ALPK1: variants seen among roughly 807,000 people sequenced by gnomAD.
The protein encoded by ALPK1 is alpha kinase 1, also known as alpha-protein kinase 1.
Under a neutral mutation model 120.6 loss-of-function variants are expected in ALPK1, and 110 were observed. That is an observed-to-expected ratio of 0.91 (90% confidence interval 0.78 to 1.07). The LOEUF is 1.07. ALPK1 is among the 50% of genes least tolerant of loss of function. ALPK1 has a pLI of 0.00. For missense variants in ALPK1, 1,498 were observed against 1,483.9 expected (o/e 1.01, Z -0.16); for synonymous variants, 582 against 560.3 (o/e 1.04, Z -0.55).
At chr4:112,412,071 GGT>G in intron 5 of ALPK1, 46 bp downstream of exon 5, 1 of 1,606,138 alleles carries the variant, frequency 6.2e-7, no homozygotes, top group Non-Finnish European at 8.5e-7. Context: ...AGTGTCTTCT[GGT>G]CCCCTTCCCT....
chr4:112,337,627 C>T (rs796839737), intron 2 of ALPK1, among the ~76,000 whole-genome samples: 79 of 152,250 alleles, frequency 5.2e-4, no homozygotes, highest in African/African-American at 1.8e-3. Context: ...TCATTTGAGC[C>T]AGGAGTTAGA....
chr4:112,316,836 C>T (rs1485453991), intron 2 of ALPK1, among the ~76,000 whole-genome samples: 1 of 151,722 alleles, frequency 6.6e-6, no homozygotes, highest in African/African-American at 2.4e-5. Context: ...TATTCCACTA[C>T]ATTAAGTAAG....
chr4:112,435,089 T>C, intron 11 of ALPK1, 59 bp from the exon 12 acceptor site: 1 of 1,543,098 alleles, frequency 6.5e-7, no homozygotes, highest in East Asian at 2.2e-5. Flanking sequence ...ATCAGCTTTA[T>C]TCATGAATTG....
chr4:112,340,100 C>A (rs1295901466), intron 2 of ALPK1, among the ~76,000 whole-genome samples: 1 of 152,214 alleles, frequency 6.6e-6, no homozygotes, highest in East Asian at 1.9e-4. Context: ...TGGGTATGGA[C>A]AGACACACAA....
intron 10 of ALPK1, among the ~76,000 whole-genome samples, chr4:112,430,227 C>A (rs1734475474): frequency 6.6e-6 from 1 of 152,166 alleles, no homozygotes; most frequent in African/African-American, 2.4e-5. Context: ...CCCCTTCATG[C>A]CAGCCAGTCA....
chr4:112,432,610 C>G (rs1262868527), intron 11 of ALPK1, 29 bp downstream of exon 11: 4 of 1,586,674 alleles, frequency 2.5e-6, no homozygotes, highest in Non-Finnish European at 8.6e-7. Flanking sequence ...ATAGTTCCCC[C>G]CTCAGGAAGC....
intron 2 of ALPK1, among the ~76,000 whole-genome samples, chr4:112,346,309 A>T (rs1488600994): frequency 6.6e-6 from 1 of 152,254 alleles, no homozygotes; most frequent in Non-Finnish European, 1.5e-5. Flanking sequence ...TCATTATTTG[A>T]GTCTCATATT....
intron 2 of ALPK1, among the ~76,000 whole-genome samples, chr4:112,360,341 G>T (rs567182885): frequency 1.3e-5 from 2 of 152,162 alleles, no homozygotes; most frequent in Non-Finnish European, 2.9e-5. Context: ...TGGAAATTTA[G>T]GCTGGTTCCA....
chr4:112,371,163 C>T (rs893493912), intron 2 of ALPK1, among the ~76,000 whole-genome samples: 2 of 152,116 alleles, frequency 1.3e-5, no homozygotes, highest in Non-Finnish European at 2.9e-5. Flanking sequence ...TCGCTCTGGT[C>T]GAAAGTCCTG....
intron 3 of ALPK1, among the ~76,000 whole-genome samples, chr4:112,380,809 T>C (rs1156536111): frequency 6.6e-6 from 1 of 152,214 alleles, no homozygotes; most frequent in African/African-American, 2.4e-5. Context: ...TGAGACATGA[T>C]GCTTGTCTTC....
chr4:112,378,585 G>GT (rs926399958), intron 3 of ALPK1, among the ~76,000 whole-genome samples: 155 of 147,572 alleles, frequency 1.1e-3, no homozygotes, highest in East Asian at 3.2e-3. Flanking sequence ...AATCTTCTGG[G>GT]TTTTTTTTTT....
At chr4:112,387,261 AAT>A (rs771690057) in intron 4 of ALPK1, among the ~76,000 whole-genome samples, 72 of 152,394 alleles carry the variant, frequency 4.7e-4, no homozygotes, top group Non-Finnish European at 7.3e-4. Flanking sequence ...ATTAAAATAA[AAT>A]ATGAAAGTAA....
chr4:112,315,700 T>C (rs769331343), intron 1 of ALPK1, 101 bp from the exon 2 acceptor site: 34 of 152,244 alleles, frequency 2.2e-4, no homozygotes, highest in Non-Finnish European at 4.3e-4. Context: ...CTGTTTCGAA[T>C]AGCAAGCATG....
At chr4:112,345,242 G>T (rs2148708050) in intron 2 of ALPK1, among the ~76,000 whole-genome samples, 1 of 152,196 alleles carries the variant, frequency 6.6e-6, no homozygotes, top group South Asian at 2.1e-4. Flanking sequence ...GATTATTTTT[G>T]CACCACATTT....
At position 112,432,299 on chromosome 4, in the gene ALPK1, C is replaced by T; in HGVS notation, c.2752C>T (p.Leu918=). The T allele has an allele frequency of 6.2e-7, 1 of 1,614,244 alleles. No homozygotes were observed. The highest frequency in any genetic ancestry group is 8.5e-7 in the Non-Finnish European group (1 of 1,180,046). The change falls in exon 11 of 16, where the codon CTA becomes TTA. Residue 918 remains leucine (L), a synonymous_variant. Coordinates refer to ENST00000650871, the MANE Select transcript of ALPK1 (RefSeq NM_025144.4). ...GGAAGGAAATCAGCCTGGAAACATG[C>T]TAAACTGCAGCCAGAACTCCAGCTC... ...TEEGNQPGNM[L]NCSQNSSSSS...
At chr4:112,369,369 A>T (rs1731296281) in intron 2 of ALPK1, among the ~76,000 whole-genome samples, 1 of 152,164 alleles carries the variant, frequency 6.6e-6, no homozygotes, top group African/African-American at 2.4e-5. Context: ...GTGATAGTTT[A>T]TGTCTATGGG....
rs145634473 is a variant in ALPK1 at position 112,431,799 on chromosome 4, C to T, written c.2252C>T (p.Pro751Leu). 1.0e-4 allele frequency: 166 copies of T among 1,614,156 alleles called. 1 individual carries two copies. The Middle Eastern group carries it at 4.6e-3, about 45-fold the overall frequency. Residue 751 changes from proline to leucine, a missense_variant, in exon 11 of 16, where the codon CCA (proline) becomes CTA (leucine). Transcript: ENST00000650871. ...GCCTTTGAAATAATTGTTGAGTTTC[C>T]AGAAACCAACTGCGATGTCAAAGAC... ...EEAFEIIVEFPETNCDVKDRQ... is the reference protein window; with the variant it reads ...EEAFEIIVEFLETNCDVKDRQ...
chr4:112,339,774 G>A lies in ALPK1; in HGVS notation c.-101+23922G>A, dbSNP rs149968376. Among the ~76,000 whole-genome samples the A allele has an allele frequency of 2.2e-3, 331 of 152,296 alleles. 6 individuals carry two copies. Among genetic ancestry groups the A allele is most frequent in the East Asian group, 0.016 (84 of 5,188 alleles). ...TACCTAGAAATTACTGCATCTAAAT[G>A]TTTAATGCTGCCCTGCAAAACTGTG... On this transcript the variant is annotated intron_variant, in intron 2 of 15. Transcript: ENST00000650871.
intron 4 of ALPK1, among the ~76,000 whole-genome samples, chr4:112,404,863 G>A (rs1733095794): frequency 6.6e-6 from 1 of 152,128 alleles, no homozygotes; most frequent in South Asian, 2.1e-4. Context: ...ATCAGAGTTG[G>A]CCAAGAACAG....
Sources: allele counts gnomAD v4.1 joint callset (sites outside exome capture counted in the v4.1 genomes callset), GRCh38; gene constraint gnomAD v4.1.1; transcripts MANE v1.5; gene names NCBI Gene and HGNC (gene_info 2026-07-23, HGNC 2026-07-21).